TAOK3: variants seen among roughly 807,000 people sequenced by gnomAD.
TAOK3 encodes TAO kinase 3.
A neutral mutation model predicts 120.4 loss-of-function variants in TAOK3; 40 were observed. That is an observed-to-expected ratio of 0.33 (90% confidence interval 0.26 to 0.43). The LOEUF (loss-of-function observed/expected upper bound fraction) is 0.43, where lower values mean the gene tolerates loss of function less well. Among genes scored for constraint, TAOK3 ranks in the 20% least tolerant of loss-of-function variants. TAOK3 has a pLI of 1.00. For missense variants in TAOK3, 821 were observed against 1,112.1 expected (o/e 0.74, Z 3.72); for synonymous variants, 355 against 387.5 (o/e 0.92, Z 0.99).
chr12:118,283,200 A>C (rs2042154926), intron 1 of TAOK3, among the ~76,000 whole-genome samples: 2 of 152,194 alleles, frequency 1.3e-5, no homozygotes, highest in Admixed American at 1.3e-4. Context: ...TTCAACATTT[A>C]TTGGATACCT....
chr12:118,215,192 T>A (rs1445366049), intron 9 of TAOK3, among the ~76,000 whole-genome samples: 26 of 140,580 alleles, frequency 1.8e-4, no homozygotes, highest in East Asian at 2.4e-4. Context: ...TAATGAAACA[T>A]CTTAAACATC....
At chr12:118,335,292 G>A (rs1459947883) in intron 1 of TAOK3, among the ~76,000 whole-genome samples, 1 of 152,104 alleles carries the variant, frequency 6.6e-6, no homozygotes, top group Non-Finnish European at 1.5e-5. Flanking sequence ...AAGTGAGACA[G>A]GAGGTAATAC....
intron 3 of TAOK3, among the ~76,000 whole-genome samples, chr12:118,252,451 T>C (rs2040796795): frequency 6.6e-6 from 1 of 152,094 alleles, no homozygotes; most frequent in Admixed American, 6.6e-5. Context: ...GAGGGAGACA[T>C]AAAGAGGGGC....
At chr12:118,201,533 A>C (rs2038025430) in intron 11 of TAOK3, 70 bp from the exon 12 acceptor site, 2 of 1,350,684 alleles carry the variant, frequency 1.5e-6, no homozygotes, top group African/African-American at 1.5e-5. Context: ...TACAGATATA[A>C]AAGGAAATAG....
chr12:118,231,346 T>C (rs551350800), intron 9 of TAOK3, among the ~76,000 whole-genome samples: 2 of 152,068 alleles, frequency 1.3e-5, no homozygotes, highest in South Asian at 4.1e-4. Context: ...AAAAAAATAA[T>C]ATTCAAATTT....
At chr12:118,304,773 T>C (rs2042990714) in intron 1 of TAOK3, among the ~76,000 whole-genome samples, 1 of 152,222 alleles carries the variant, frequency 6.6e-6, no homozygotes, top group South Asian at 2.1e-4. Context: ...CTTATGAAAA[T>C]TGATTGTGCT....
In TAOK3 at chr12:118,366,285, T is replaced by A. The variant is rs1049682315; in HGVS notation, c.-194+6363A>T. ...TCTCAAAAAATAAATAAATAAAAAA[T>A]AAAAAATAAAGAAAATTGGCTATGA... On this transcript the variant is annotated intron_variant, in intron 1 of 20. Transcript: ENST00000392533. Among the ~76,000 whole-genome samples, 12 of 151,820 alleles carry A rather than the reference T, an allele frequency of 7.9e-5. No homozygotes were observed. The East Asian group carries it at 1.5e-3, about 20-fold the overall frequency.
At chr12:118,347,906 T>C (rs1022707213) in intron 1 of TAOK3, among the ~76,000 whole-genome samples, 1 of 152,224 alleles carries the variant, frequency 6.6e-6, no homozygotes, top group Non-Finnish European at 1.5e-5. Context: ...CTACAAACTA[T>C]TGATAGAGTA....
At chr12:118,344,476 A>G (rs2044767342) in intron 1 of TAOK3, among the ~76,000 whole-genome samples, 1 of 152,044 alleles carries the variant, frequency 6.6e-6, no homozygotes, top group Non-Finnish European at 1.5e-5. Context: ...ACCTATTCAT[A>G]TTTTGAGAAT....
chr12:118,372,816 G>C lies in TAOK3; in HGVS notation c.-362C>G, dbSNP rs2045941559. On this transcript the variant is annotated 5_prime_UTR_variant, in exon 1 of 21. Transcript: ENST00000392533. This position sits in a 1 kb window ranked among gnomAD's most constrained non-coding sequence, Gnocchi z 4.6. ...AGCCTCTGCTCGCGGTCTCGGCGTT[G>C]CGTCCCACTCTCCACGCAGGACCCC... is the stretch of plus-strand genomic sequence containing the variant. The C allele has an allele frequency of 6.5e-6, 1 of 152,858 alleles. No individual in the cohort carries two copies. The highest frequency in any genetic ancestry group is 2.0e-4 in the South Asian group (1 of 4,968). 9.5% of individuals were successfully genotyped at this position (152,858 alleles called of 1,614,324 possible). A position where few individuals can be genotyped will look rare whatever the true frequency, so the allele number is the denominator to read the frequency against.
chr12:118,263,325 C>G (rs2041311903), intron 2 of TAOK3, among the ~76,000 whole-genome samples: 3 of 152,168 alleles, frequency 2.0e-5, no homozygotes, highest in Admixed American at 2.0e-4. Context: ...TACTAACAAC[C>G]TGTGTAAAAA....
chr12:118,269,710 T>G (rs2041621813), intron 1 of TAOK3, among the ~76,000 whole-genome samples: 1 of 152,146 alleles, frequency 6.6e-6, no homozygotes. Flanking sequence ...CATATTCTCT[T>G]CATCTTTGGT....
intron 1 of TAOK3, among the ~76,000 whole-genome samples, chr12:118,342,516 A>G (rs1566146671): frequency 6.6e-6 from 1 of 152,260 alleles, no homozygotes. Flanking sequence ...CAACATAGTT[A>G]AAGCCAGACT....
intron 9 of TAOK3, among the ~76,000 whole-genome samples, chr12:118,216,894 A>G: frequency 6.8e-6 from 1 of 146,098 alleles, no homozygotes; most frequent in Middle Eastern, 3.4e-3. Context: ...GTGCCACTGC[A>G]CTCCAGCCTG....
intron 1 of TAOK3, among the ~76,000 whole-genome samples, chr12:118,358,252 T>C (rs2045474032): frequency 6.6e-6 from 1 of 152,236 alleles, no homozygotes; most frequent in Non-Finnish European, 1.5e-5. Flanking sequence ...AATAACCGAA[T>C]GGCCAACATG....
chr12:118,181,505 G>A lies in TAOK3; in HGVS notation c.1432C>T (p.Leu478=). The A allele has an allele frequency of 6.2e-7, 1 of 1,614,162 alleles. No homozygotes were observed. The highest frequency in any genetic ancestry group is 1.7e-5 in the Admixed American group (1 of 60,018). Reference sequence around the variant, plus strand: ...ATCTCAGCCTTCAGCTTGTTCTCCAGGGCGATCAGCTGCTTCTGGTGCTGG... The same window carrying A: ...ATCTCAGCCTTCAGCTTGTTCTCCAAGGCGATCAGCTGCTTCTGGTGCTGG... ...RRQHQKQLIA[L]ENKLKAEMDE... is the part of the protein sequence containing the mutation. The change falls in exon 15 of 21, where the codon CTG becomes TTG. Residue 478 remains leucine, a synonymous_variant. Coordinates refer to ENST00000392533, the MANE Select transcript of TAOK3 (RefSeq NM_016281.4).
At chr12:118,228,315 C>A (rs1391271954) in intron 9 of TAOK3, among the ~76,000 whole-genome samples, 2 of 151,928 alleles carry the variant, frequency 1.3e-5, no homozygotes, top group Non-Finnish European at 1.5e-5. Context: ...CCATGCCCAG[C>A]TAATTTTTGT....
intron 1 of TAOK3, among the ~76,000 whole-genome samples, chr12:118,305,142 T>G (rs2043004819): frequency 6.6e-6 from 1 of 152,180 alleles, no homozygotes; most frequent in African/African-American, 2.4e-5. Context: ...TAAGATAGTG[T>G]ATGTAATGTG....
At chr12:118,187,814 G>A (rs1330104937) in intron 14 of TAOK3, among the ~76,000 whole-genome samples, 3 of 152,162 alleles carry the variant, frequency 2.0e-5, no homozygotes, top group Non-Finnish European at 4.4e-5. Flanking sequence ...TCATTAGAGA[G>A]ACTGGTTGCA....
Sources: gnomAD v4.1 joint callset for allele counts (sites outside exome capture counted in the v4.1 genomes callset) on GRCh38, gnomAD v4.1.1 for gene constraint, Gnocchi (gnomAD v3.1) non-coding constraint, MANE v1.5 for transcripts, NCBI Gene and HGNC (gene_info 2026-07-23, HGNC 2026-07-21) for gene names.